CACNA2D1: variants seen among roughly 807,000 people sequenced by gnomAD.
The protein encoded by CACNA2D1 is voltage-dependent calcium channel subunit alpha-2/delta-1.
A neutral mutation model predicts 171.5 loss-of-function variants in CACNA2D1; 53 were observed. The observed-to-expected ratio is 0.31, with a 90% CI of 0.25 to 0.39. CACNA2D1 has a LOEUF of 0.39. Ranked by LOEUF, CACNA2D1 falls within the 10% of genes least tolerant of loss-of-function variation. CACNA2D1 has a pLI of 1.00. For synonymous variants in CACNA2D1, 442 were observed against 443.1 expected, an observed-to-expected ratio of 1.00 and a Z score of 0.03; for missense variants, 903 against 1,299.8, an observed-to-expected ratio of 0.69 and a Z score of 4.69.
chr7:82,031,290 A>ATTACCCTGAAT (rs1219334380), intron 12 of CACNA2D1, among the ~76,000 whole-genome samples: 3 of 151,908 alleles, frequency 2.0e-5, no homozygotes, highest in African/African-American at 7.2e-5. Context: ...GGTGGTGAGG[A>ATTACCCTGAAT]TTACCCTGAA....
At chr7:81,951,970 T>TTTTTTTTTTTTTTGTTTG (rs1554321657) in intron 38 of CACNA2D1, among the ~76,000 whole-genome samples, 631 of 23,826 alleles carry the variant, frequency 0.026, no homozygotes, top group African/African-American at 0.047. Context: ...GTACAAAGTG[T>TTTTTTTTTTTTTTGTTTG]TTTTTTTTTT....
intron 7 of CACNA2D1, among the ~76,000 whole-genome samples, chr7:82,076,975 C>G (rs757139824): frequency 3.3e-5 from 5 of 152,150 alleles, no homozygotes; most frequent in Non-Finnish European, 5.9e-5. Context: ...TTATATGACT[C>G]TAATCCATAA....
intron 4 of CACNA2D1, among the ~76,000 whole-genome samples, chr7:82,154,772 G>A (rs1393381337): frequency 6.6e-6 from 1 of 152,076 alleles, no homozygotes; most frequent in Non-Finnish European, 1.5e-5. Flanking sequence ...GTTGGTCTTT[G>A]TAGAGTCATT....
intron 36 of CACNA2D1, among the ~76,000 whole-genome samples, chr7:81,960,305 A>G (rs1793952644): frequency 6.6e-6 from 1 of 152,090 alleles, no homozygotes; most frequent in Non-Finnish European, 1.5e-5. Context: ...AGTTGTTCGC[A>G]CTGTCCAATA....
intron 6 of CACNA2D1, among the ~76,000 whole-genome samples, chr7:82,105,169 T>C (rs1205970263): frequency 6.6e-6 from 1 of 152,050 alleles, no homozygotes; most frequent in Non-Finnish European, 1.5e-5. Flanking sequence ...AAGGTTAAAA[T>C]ACCAGAAATA....
At chr7:82,115,087 G>A (rs2129052093) in intron 6 of CACNA2D1, among the ~76,000 whole-genome samples, 1 of 152,264 alleles carries the variant, frequency 6.6e-6, no homozygotes, top group Admixed American at 6.5e-5. Context: ...TTCTTCAACA[G>A]AGTAACGCAG....
intron 3 of CACNA2D1, among the ~76,000 whole-genome samples, chr7:82,273,738 T>TA (rs766469316): frequency 3.3e-4 from 51 of 152,308 alleles, no homozygotes; most frequent in Non-Finnish European, 5.3e-4. Flanking sequence ...TCCAATTTAA[T>TA]AAAAGTTGTG....
intron 18 of CACNA2D1, among the ~76,000 whole-genome samples, chr7:82,001,356 T>TTTAC (rs1798585566): frequency 6.6e-6 from 1 of 152,228 alleles, no homozygotes; most frequent in East Asian, 1.9e-4. Context: ...AATTTGACAT[T>TTTAC]AATTTTACAA....
chr7:81,987,952 T>G (rs1232411472), intron 21 of CACNA2D1, among the ~76,000 whole-genome samples: 1 of 152,168 alleles, frequency 6.6e-6, no homozygotes, highest in African/African-American at 2.4e-5. Flanking sequence ...AAGAGTGACA[T>G]GAACTCGAGA....
At chr7:82,261,050 G>A (rs1807021049) in intron 3 of CACNA2D1, among the ~76,000 whole-genome samples, 1 of 151,940 alleles carries the variant, frequency 6.6e-6, no homozygotes, top group Admixed American at 6.6e-5. Context: ...CGCCTCCTGG[G>A]TTCAAGTGAT....
chr7:82,351,964 G>A (rs1299906608), intron 1 of CACNA2D1, among the ~76,000 whole-genome samples: 1 of 146,812 alleles, frequency 6.8e-6, no homozygotes, highest in East Asian at 1.9e-4. Flanking sequence ...TCGAAACTGA[G>A]AGGCAAAGAA....
intron 1 of CACNA2D1, among the ~76,000 whole-genome samples, chr7:82,376,916 A>T (rs1823077736): frequency 6.6e-6 from 1 of 152,244 alleles, no homozygotes; most frequent in South Asian, 2.1e-4. Flanking sequence ...ATTCTCTGCC[A>T]CTTGAAGATT....
chr7:82,234,349 A>G (rs980946275), intron 3 of CACNA2D1, among the ~76,000 whole-genome samples: 1 of 152,146 alleles, frequency 6.6e-6, no homozygotes, highest in African/African-American at 2.4e-5. Context: ...CAACAACCTA[A>G]AAAATATATT....
chr7:82,071,950 A>G (rs7785764), intron 7 of CACNA2D1, among the ~76,000 whole-genome samples: 66,402 of 152,026 alleles, frequency 0.44, 15,509 homozygotes, highest in African/African-American at 0.6. Flanking sequence ...GAGGACAACA[A>G]CCTAAGGAAT....
chr7:82,230,842 T>C (rs1483173995), intron 3 of CACNA2D1, among the ~76,000 whole-genome samples: 1 of 152,202 alleles, frequency 6.6e-6, no homozygotes, highest in African/African-American at 2.4e-5. Flanking sequence ...TTTTGTGTAA[T>C]ATAAAAAGAG....
chr7:82,018,111 T>C (rs73705441), intron 12 of CACNA2D1, among the ~76,000 whole-genome samples: 2,286 of 152,290 alleles, frequency 0.015, 57 homozygotes, highest in African/African-American at 0.053. Flanking sequence ...ATTTTCATCA[T>C]AGAGTCACAC....
At position 82,005,411 on chromosome 7, in the gene CACNA2D1, T is replaced by A; in HGVS notation, c.1590+12A>T. The A allele has an allele frequency of 1.3e-6, 2 of 1,505,694 alleles. No homozygotes were observed. The allele number at this position is 1,505,694 out of a possible 1,614,324, so 93.3% of individuals were successfully genotyped here. A position where few individuals can be genotyped will look rare whatever the true frequency, so the allele number is the denominator to read the frequency against. ...CAAAACACTAATCACTGTAAACAAA[T>A]TATATACTGACCTTTGGCTGAAGAT... is the stretch of plus-strand genomic sequence containing the variant. On this transcript the variant is annotated intron_variant, in intron 18 of 38. Transcript: ENST00000356860.
chr7:82,368,563 A>G (rs1470933244), intron 1 of CACNA2D1, among the ~76,000 whole-genome samples: 5 of 152,228 alleles, frequency 3.3e-5, no homozygotes, highest in African/African-American at 1.2e-4. Context: ...GTTCCAAGAA[A>G]TGTATTATTT....
At chr7:82,316,676 A>C (rs956750411) in intron 3 of CACNA2D1, among the ~76,000 whole-genome samples, 2 of 152,196 alleles carry the variant, frequency 1.3e-5, no homozygotes, top group Non-Finnish European at 2.9e-5. Context: ...AGACTGGGTA[A>C]TTTATAAAGA....
Sources: gnomAD v4.1 joint callset for allele counts (sites outside exome capture counted in the v4.1 genomes callset) on GRCh38, gnomAD v4.1.1 for gene constraint, MANE v1.5 for transcripts, NCBI Gene and HGNC (gene_info 2026-07-23, HGNC 2026-07-21) for gene names.